The following NBEA variants were observed in gnomAD, a reference collection of about 807,000 sequenced individuals.
The protein encoded by NBEA is neurobeachin, also known as lysosomal-trafficking regulator 2.
In NBEA, 44 loss-of-function variants were observed where a neutral mutation model predicts 343.4. The ratio of observed to expected loss-of-function variants is 0.13; its 90% confidence interval spans 0.10 to 0.16. The LOEUF (loss-of-function observed/expected upper bound fraction) is 0.16. NBEA is among the 10% of genes least tolerant of loss of function. The pLI is 1.00. For synonymous variants in NBEA, 1,175 were observed against 1,238.7 expected (o/e 0.95, Z 1.08); for missense variants, 2,555 against 3,631.3 (o/e 0.70, Z 7.62).
chr13:35,474,915 A>T (rs2075795166), intron 41 of NBEA: 2 of 1,030,500 alleles, frequency 1.9e-6, no homozygotes, highest in South Asian at 3.5e-5. Context: ...GGGTGAGATG[A>T]TGTTTAAATA....
chr13:35,638,368 C>T (rs765582961), intron 49 of NBEA, among the ~76,000 whole-genome samples: 13 of 152,102 alleles, frequency 8.5e-5, no homozygotes, highest in Non-Finnish European at 1.3e-4. Flanking sequence ...CAAGGGAAAG[C>T]GACAAGGAAA....
At chr13:35,214,505 T>C (rs2073957844) in intron 33 of NBEA, among the ~76,000 whole-genome samples, 1 of 151,844 alleles carries the variant, frequency 6.6e-6, no homozygotes, top group Non-Finnish European at 1.5e-5. Context: ...GAGTATTCTT[T>C]TTTGCATATG....
chr13:35,545,792 G>A (rs540240076), intron 41 of NBEA, among the ~76,000 whole-genome samples: 1 of 152,262 alleles, frequency 6.6e-6, no homozygotes, highest in South Asian at 2.1e-4. Flanking sequence ...CCAGTCGAAA[G>A]TTCCATGGTA....
intron 41 of NBEA, among the ~76,000 whole-genome samples, chr13:35,484,274 GTA>G (rs202233951): frequency 0.016 from 1,860 of 115,098 alleles, 39 homozygotes; most frequent in East Asian, 0.089. Context: ...GTGTGTGTGT[GTA>G]TATATATATA....
intron 38 of NBEA, among the ~76,000 whole-genome samples, chr13:35,379,374 C>T (rs1351140625): frequency 6.6e-6 from 1 of 152,018 alleles, no homozygotes; most frequent in African/African-American, 2.4e-5. Flanking sequence ...TTTATATAAG[C>T]CTTTGGTCCA....
At chr13:35,612,248 A>T (rs1041641477) in intron 48 of NBEA, among the ~76,000 whole-genome samples, 1 of 151,488 alleles carries the variant, frequency 6.6e-6, no homozygotes, top group African/African-American at 2.4e-5. Flanking sequence ...TTCTCCTGCC[A>T]CAGCCTCCTG....
intron 44 of NBEA, among the ~76,000 whole-genome samples, chr13:35,563,627 TTATTA>T (rs2079989266): frequency 6.6e-6 from 1 of 151,778 alleles, no homozygotes; most frequent in Non-Finnish European, 1.5e-5. Context: ...TTTATAAAGT[TTATTA>T]TATTTATTAG....
At position 35,184,064 on chromosome 13, in the gene NBEA, TTAC is replaced by T; in HGVS notation, c.4921_4923del (p.Tyr1641del). Reference sequence around the variant, plus strand: ...CTGAGCAGAGCTTTGGCCACTCATTTTACAAAGGTAATACTGACCTCATCTCCT... The same window carrying T: ...CTGAGCAGAGCTTTGGCCACTCATTTAAAGGTAATACTGACCTCATCTCCT... On this transcript the variant is annotated inframe_deletion, in exon 30 of 59. Transcript: ENST00000379939. 6.2e-7 allele frequency: 1 copy of T among 1,608,724 alleles called. No individual in the cohort carries two copies. Among genetic ancestry groups the T allele is most frequent in the Non-Finnish European group, 8.5e-7 (1 of 1,175,864 alleles).
At chr13:35,059,931 T>C (rs2063407496) in intron 8 of NBEA, among the ~76,000 whole-genome samples, 1 of 151,898 alleles carries the variant, frequency 6.6e-6, no homozygotes. Flanking sequence ...TTTTTGGTTT[T>C]GTCTTACTAG....
intron 53 of NBEA, among the ~76,000 whole-genome samples, chr13:35,653,855 T>C (rs372899011): frequency 6.6e-6 from 1 of 152,212 alleles, no homozygotes; most frequent in South Asian, 2.1e-4. Flanking sequence ...CATGGAAAAA[T>C]TAATAGGTCT....
At chr13:34,986,707 GTC>G (rs1242821982) in intron 1 of NBEA, among the ~76,000 whole-genome samples, 1 of 150,738 alleles carries the variant, frequency 6.6e-6, no homozygotes, top group Admixed American at 6.6e-5. Flanking sequence ...TGCTTTATGA[GTC>G]TGGGTGCTCC....
intron 34 of NBEA, among the ~76,000 whole-genome samples, chr13:35,264,586 G>C (rs967305290): frequency 8.1e-6 from 1 of 123,384 alleles, no homozygotes; most frequent in Non-Finnish European, 1.7e-5. Context: ...TGCAGGGATA[G>C]TTCAACATAC....
At chr13:34,990,548 A>T (rs112126004) in intron 1 of NBEA, among the ~76,000 whole-genome samples, 6,320 of 150,958 alleles carry the variant, frequency 0.042, 499 homozygotes, top group Non-Finnish European at 0.067. Context: ...GAGGTTGTGT[A>T]GGGTAGCAGG....
At chr13:35,530,074 T>C (rs999774034) in intron 41 of NBEA, among the ~76,000 whole-genome samples, 30 of 152,242 alleles carry the variant, frequency 2.0e-4, no homozygotes, top group African/African-American at 7.0e-4. Context: ...AGTATCAAAG[T>C]AAGCTTTGTA....
At chr13:35,626,027 G>A (rs189742446) in intron 48 of NBEA, among the ~76,000 whole-genome samples, 1 of 152,272 alleles carries the variant, frequency 6.6e-6, no homozygotes. Context: ...TTGTGTCATG[G>A]GGATTAGAGG....
At chr13:35,504,749 TA>T (rs1329885786) in intron 41 of NBEA, among the ~76,000 whole-genome samples, 6 of 151,940 alleles carry the variant, frequency 3.9e-5, no homozygotes, top group Non-Finnish European at 8.8e-5. Flanking sequence ...GCTGGGATTA[TA>T]GGCGTGCCCC....
In NBEA at chr13:35,550,960, C is replaced by A. The variant is rs368464296; in HGVS notation, c.6734C>A (p.Ala2245Glu). The A allele has an allele frequency of 4.3e-6, 7 of 1,610,116 alleles. No individual in the cohort carries two copies. The African/African-American group carries it at 5.3e-5, about 12-fold the overall frequency. ...GTTATGTTTAATTTCCCTGATCAAG[C>A]AACAGTAAAAAAAGTTGTCTATAGC... is the stretch of plus-strand genomic sequence containing the variant. ...TSVMFNFPDQ[A>E]TVKKVVYSLP... is the part of the protein sequence containing the mutation. Residue 2245 changes from alanine (A) to glutamate (E), a missense_variant, in exon 43 of 59, where the codon GCA becomes GAA. This residue lies in a region of NBEA where 246 missense variants were observed against 313.7 expected (regional missense o/e 0.78). Transcript: ENST00000379939.
At chr13:35,069,663 G>A (rs1218440356) in intron 8 of NBEA, among the ~76,000 whole-genome samples, 2 of 152,026 alleles carry the variant, frequency 1.3e-5, no homozygotes. Flanking sequence ...CTAATGAAAT[G>A]ATTTTGCCAG....
At chr13:35,064,099 A>G (rs2063561059) in intron 8 of NBEA, among the ~76,000 whole-genome samples, 1 of 152,090 alleles carries the variant, frequency 6.6e-6, no homozygotes, top group Non-Finnish European at 1.5e-5. Flanking sequence ...GTAAAAATGA[A>G]GAACGTCTGG....
Sources: gnomAD v4.1 joint callset for allele counts (sites outside exome capture counted in the v4.1 genomes callset) on GRCh38, gnomAD v4.1.1 for gene constraint, gnomAD v4.1.1 regional missense constraint, MANE v1.5 for transcripts, NCBI Gene and HGNC (gene_info 2026-07-23, HGNC 2026-07-21) for gene names.